MTURN: variants seen among roughly 807,000 people sequenced by gnomAD.
The protein encoded by MTURN is maturin.
MTURN carries 7 observed loss-of-function variants against 14.9 expected under a neutral mutation model. The ratio of observed to expected loss-of-function variants is 0.47; its 90% CI spans 0.27 to 0.88. The LOEUF is 0.88. Ranked by LOEUF, MTURN falls within the 40% of genes least tolerant of loss-of-function variation. MTURN has a pLI of 0.14. For synonymous variants in MTURN, 69 were observed against 72.5 expected (o/e 0.95, Z 0.25); for missense variants, 151 against 174.1 (o/e 0.87, Z 0.75).
intron 1 of MTURN, among the ~76,000 whole-genome samples, chr7:30,135,823 C>A (rs1012003864): frequency 1.3e-5 from 2 of 152,248 alleles, no homozygotes; most frequent in East Asian, 3.9e-4. Flanking sequence ...CGGGAGAACC[C>A]CACTCCCCGC....
At chr7:30,153,835 T>G (rs566407373) in intron 2 of MTURN, among the ~76,000 whole-genome samples, 1 of 152,280 alleles carries the variant, frequency 6.6e-6, no homozygotes, top group Non-Finnish European at 1.5e-5. Context: ...CTCTCACCTC[T>G]GCCTCCCAAG....
At chr7:30,137,827 A>T in intron 1 of MTURN, 4 of 360,566 alleles carry the variant, frequency 1.1e-5, no homozygotes, top group South Asian at 8.5e-5. Context: ...ACTTAGCAAT[A>T]AGAATGTCTA....
In MTURN at chr7:30,159,359, C is replaced by A. The variant is rs1264974723; in HGVS notation, c.*1811C>A. 1 of 152,148 alleles carries A rather than the reference C, an allele frequency of 6.6e-6. No individual in the cohort carries two copies. Among genetic ancestry groups the A allele is most frequent in the African/African-American group, 2.4e-5 (1 of 41,410 alleles). The allele number at this position is 152,148 out of a possible 1,614,324, so 9.4% of individuals were successfully genotyped here. A position where few individuals can be genotyped will look rare whatever the true frequency, so the allele number is the denominator to read the frequency against. On this transcript the variant is annotated 3_prime_UTR_variant, in exon 3 of 3. Coordinates refer to ENST00000324453, the MANE Select transcript of MTURN (RefSeq NM_152793.3). ...ACAGGTGTCGCCCAGGTTTCGTAAC[C>A]TCCACTTTAATGCAGTAAGCCGCAA...
intron 2 of MTURN, among the ~76,000 whole-genome samples, chr7:30,154,869 C>T (rs535300989): frequency 2.0e-4 from 30 of 152,106 alleles, no homozygotes; most frequent in Non-Finnish European, 3.7e-4. Context: ...GTGCTGGTTT[C>T]ATCTGAGGTA....
chr7:30,151,560 C>T (rs780232523), intron 2 of MTURN, among the ~76,000 whole-genome samples: 28 of 152,212 alleles, frequency 1.8e-4, no homozygotes, highest in Admixed American at 3.3e-4. Flanking sequence ...TCCAATTTAG[C>T]AGTGAAACTA....
intron 2 of MTURN, among the ~76,000 whole-genome samples, chr7:30,148,918 G>T (rs180728906): frequency 2.4e-4 from 37 of 152,284 alleles, no homozygotes; most frequent in African/African-American, 8.2e-4. Context: ...TTAACCAGAA[G>T]AATACCCGTT....
chr7:30,136,039 C>T (rs1284946638), intron 1 of MTURN, among the ~76,000 whole-genome samples: 3 of 152,194 alleles, frequency 2.0e-5, no homozygotes, highest in African/African-American at 4.8e-5. Flanking sequence ...CGGCACGCCT[C>T]TCCCCCTGCC....
At chr7:30,152,289 G>A (rs540204931) in intron 2 of MTURN, among the ~76,000 whole-genome samples, 4 of 151,692 alleles carry the variant, frequency 2.6e-5, no homozygotes, top group African/African-American at 9.7e-5. Context: ...TTTTTCCTTA[G>A]GGTCAAGAAG....
chr7:30,147,780 G>T (rs1001361402), intron 2 of MTURN, among the ~76,000 whole-genome samples: 4 of 152,142 alleles, frequency 2.6e-5, no homozygotes, highest in African/African-American at 9.7e-5. Flanking sequence ...TTGTCACTCT[G>T]ATTTGCTTAA....
chr7:30,157,218 A>G (rs1797301067), intron 2 of MTURN, among the ~76,000 whole-genome samples: 2 of 152,204 alleles, frequency 1.3e-5, no homozygotes. Flanking sequence ...GAGACTCTCC[A>G]GGCTCCCCAG....
intron 2 of MTURN, among the ~76,000 whole-genome samples, chr7:30,154,387 T>A (rs1797254666): frequency 6.6e-6 from 1 of 152,206 alleles, no homozygotes. Flanking sequence ...GGATAGGCCA[T>A]AGGCTCACGT....
chr7:30,150,446 G>A (rs1384939766), intron 2 of MTURN, among the ~76,000 whole-genome samples: 2 of 152,248 alleles, frequency 1.3e-5, no homozygotes, highest in Admixed American at 1.3e-4. Context: ...CACTGTGCTA[G>A]AGGCTAGGAC....
At chr7:30,146,348 G>T in intron 2 of MTURN, 49 bp downstream of exon 2, 1 of 1,608,726 alleles carries the variant, frequency 6.2e-7, no homozygotes, top group Non-Finnish European at 8.5e-7. Context: ...TATGGTGATT[G>T]TGTTTAGAAT....
At chr7:30,136,901 G>A (rs1230294997) in intron 1 of MTURN, among the ~76,000 whole-genome samples, 1 of 152,138 alleles carries the variant, frequency 6.6e-6, no homozygotes, top group Non-Finnish European at 1.5e-5. Context: ...AGAGACCTGG[G>A]GTTTCCCAGA....
chr7:30,153,719 A>T (rs1042535186), intron 2 of MTURN, among the ~76,000 whole-genome samples: 2 of 151,828 alleles, frequency 1.3e-5, no homozygotes, highest in Non-Finnish European at 2.9e-5. Context: ...TTTTTATTTT[A>T]TTTTATTTTA....
chr7:30,141,650 G>A (rs1797054726), intron 1 of MTURN, among the ~76,000 whole-genome samples: 1 of 152,070 alleles, frequency 6.6e-6, no homozygotes, highest in South Asian at 2.1e-4. Context: ...ATCCTGGCAA[G>A]TAGCCAGGAC....
At chr7:30,137,501 G>T (rs1796982729) in intron 1 of MTURN, 2 of 424,736 alleles carry the variant, frequency 4.7e-6, no homozygotes, top group Non-Finnish European at 4.9e-6. Context: ...TTTCCCATCT[G>T]CATGAGAAAA....
intron 1 of MTURN, among the ~76,000 whole-genome samples, chr7:30,145,187 T>C (rs1046125678): frequency 6.6e-6 from 1 of 152,022 alleles, no homozygotes; most frequent in Non-Finnish European, 1.5e-5. Context: ...TATCCTCACA[T>C]GGAAAAAAGC....
chr7:30,155,473 A>G (rs188545580), intron 2 of MTURN, among the ~76,000 whole-genome samples: 78 of 152,264 alleles, frequency 5.1e-4, no homozygotes, highest in Non-Finnish European at 7.9e-4. Context: ...TTAGAGGCAA[A>G]CTTGGTTTTT....
Sources: gnomAD v4.1 joint callset for allele counts (sites outside exome capture counted in the v4.1 genomes callset) on GRCh38, gnomAD v4.1.1 for gene constraint, MANE v1.5 for transcripts, NCBI Gene and HGNC (gene_info 2026-07-23, HGNC 2026-07-21) for gene names.